Variants in FAM227B observed in about 807,000 individuals in gnomAD.
FAM227B encodes family with sequence similarity 227 member B, also known as protein FAM227B.
Under a neutral mutation model 73.8 loss-of-function variants are expected in FAM227B, and 88 were observed. The ratio of observed to expected loss-of-function variants is 1.19; its 90% CI spans 1.00 to 1.42. The LOEUF (loss-of-function observed/expected upper bound fraction) is 1.42, where lower values mean the gene tolerates loss of function less well. FAM227B is among the 40% of genes most tolerant of loss of function. The probability of loss-of-function intolerance (pLI) is 0.00; values close to 1 mark genes in which losing one functional copy is unlikely to be tolerated. For synonymous variants in FAM227B, 210 were observed against 190.5 expected, an observed-to-expected ratio of 1.10 and a Z score of -0.84; for missense variants, 632 against 590.9, an observed-to-expected ratio of 1.07 and a Z score of -0.72.
intron 11 of FAM227B, chr15:49,424,483 G>T (rs747759102): frequency 1.2e-6 from 2 of 1,613,458 alleles, no homozygotes; most frequent in Middle Eastern, 1.6e-4. Context: ...TGGAAGGAGG[G>T]GATATAAGAG....
At chr15:49,558,120 CCTAA>C in intron 9 of FAM227B, among the ~76,000 whole-genome samples, 1 of 151,724 alleles carries the variant, frequency 6.6e-6, no homozygotes, top group East Asian at 1.9e-4. Context: ...GCTCCTAATG[CCTAA>C]TGCCCCAACT....
intron 12 of FAM227B, among the ~76,000 whole-genome samples, chr15:49,368,547 A>G (rs915129914): frequency 6.6e-6 from 1 of 152,214 alleles, no homozygotes; most frequent in African/African-American, 2.4e-5. Context: ...ATTCTTTGCT[A>G]GTAAAAAGTT....
intron 13 of FAM227B, among the ~76,000 whole-genome samples, chr15:49,352,411 A>T (rs1334759514): frequency 1.3e-5 from 2 of 152,158 alleles, no homozygotes; most frequent in Non-Finnish European, 2.9e-5. Flanking sequence ...TGAAAAATAT[A>T]ATCTGCCATA....
chr15:49,328,082 G>A lies in FAM227B; in HGVS notation c.*486C>T. On this transcript the variant is annotated 3_prime_UTR_variant, in exon 16 of 16. Coordinates refer to ENST00000299338, the MANE Select transcript of FAM227B (RefSeq NM_152647.3). ...CAAAGCTTATTACCAGAGGAGTGAT[G>A]GAAGCTTAGCACCGGAGAAGCAAAG... 6.2e-7 allele frequency: 1 copy of A among 1,614,020 alleles called. No individual in the cohort carries two copies. Among genetic ancestry groups the A allele is most frequent in the South Asian group, 1.1e-5 (1 of 91,072 alleles).
At chr15:49,517,405 T>G (rs1201171666) in intron 10 of FAM227B, among the ~76,000 whole-genome samples, 1 of 152,102 alleles carries the variant, frequency 6.6e-6, no homozygotes, top group Non-Finnish European at 1.5e-5. Flanking sequence ...AACAAAGAAA[T>G]AAAAATATGT....
At chr15:49,577,208 A>G in intron 6 of FAM227B, 1 of 284,278 alleles carries the variant, frequency 3.5e-6, no homozygotes. Flanking sequence ...GAGGCAGGAG[A>G]ATCACTTGAA....
At chr15:49,365,320 C>G in intron 13 of FAM227B, 1 of 1,567,918 alleles carries the variant, frequency 6.4e-7, no homozygotes, top group Non-Finnish European at 8.8e-7. Flanking sequence ...TCATCAGCAC[C>G]AGAACAACAA....
chr15:49,338,254 G>T (rs2040104354), intron 13 of FAM227B, among the ~76,000 whole-genome samples: 2 of 152,104 alleles, frequency 1.3e-5, no homozygotes, highest in African/African-American at 4.8e-5. Context: ...GTATGTTTTT[G>T]CAGTGCCTGG....
At chr15:49,520,949 C>T (rs1464521700) in intron 10 of FAM227B, among the ~76,000 whole-genome samples, 1 of 152,118 alleles carries the variant, frequency 6.6e-6, no homozygotes, top group Non-Finnish European at 1.5e-5. Flanking sequence ...TCCCCTCACC[C>T]CAAGACAGAC....
chr15:49,582,990 A>T (rs2075908858), intron 5 of FAM227B, among the ~76,000 whole-genome samples: 1 of 152,166 alleles, frequency 6.6e-6, no homozygotes, highest in African/African-American at 2.4e-5. Context: ...GTTAAGAGGG[A>T]AATTTATAGC....
At chr15:49,450,229 T>C (rs762864356) in intron 11 of FAM227B, among the ~76,000 whole-genome samples, 54 of 152,230 alleles carry the variant, frequency 3.5e-4, no homozygotes, top group Non-Finnish European at 6.2e-4. Flanking sequence ...AGAATAACAA[T>C]TGAACAACTG....
Position 49,576,789 on chromosome 15 carries a change from C to T in FAM227B, c.498G>A (p.Leu166=), listed in dbSNP as rs780108314. 1.2e-6 allele frequency: 2 copies of T among 1,612,738 alleles called. No individual in the cohort carries two copies. The highest frequency in any genetic ancestry group is 2.2e-5 in the South Asian group (2 of 90,936). The change falls in exon 7 of 16, where the codon TTG becomes TTA. Residue 166 remains leucine, a synonymous_variant. Coordinates refer to ENST00000299338, the MANE Select transcript of FAM227B (RefSeq NM_152647.3). ...ANELTQLPRH[L]DAEQIYLFIL... ...TAAAAAGATAAATTTGTTCAGCATC[C>T]AAATGTCTGGGTAGCTGAGTAAGTT...
At chr15:49,397,591 C>T (rs2047780183) in intron 11 of FAM227B, among the ~76,000 whole-genome samples, 1 of 152,072 alleles carries the variant, frequency 6.6e-6, no homozygotes, top group South Asian at 2.1e-4. Context: ...TTAAGGGCAG[C>T]TAGAGAGAAA....
intron 8 of FAM227B, among the ~76,000 whole-genome samples, chr15:49,572,618 A>T (rs1006895097): frequency 1.3e-5 from 2 of 152,112 alleles, no homozygotes; most frequent in African/African-American, 4.8e-5. Context: ...TTTTCATACC[A>T]AACAACCCAC....
chr15:49,390,977 G>A (rs867044090), intron 11 of FAM227B, among the ~76,000 whole-genome samples: 1 of 151,908 alleles, frequency 6.6e-6, no homozygotes, highest in Non-Finnish European at 1.5e-5. Context: ...TGAAGATTCA[G>A]GACTAGTTCT....
chr15:49,446,205 TTTAAG>T (rs1194855898), intron 11 of FAM227B, among the ~76,000 whole-genome samples: 1 of 151,602 alleles, frequency 6.6e-6, no homozygotes. Context: ...CTTTTTTCTT[TTTAAG>T]TTAAGAGCCA....
Position 49,600,763 on chromosome 15 carries a change from C to T in FAM227B, c.105+10452G>A, listed in dbSNP as rs111638670. Among the ~76,000 whole-genome samples, 1,055 of 152,030 alleles carry T rather than the reference C, an allele frequency of 6.9e-3. 21 individuals are homozygous for T. Among genetic ancestry groups the T allele is most frequent in the African/African-American group, 0.024 (1,008 of 41,482 alleles). On this transcript the variant is annotated intron_variant, in intron 3 of 15. Transcript: ENST00000299338. ...CATGGAATAATTTACTACTGCCAGGCCGGGCGTGGTGGCTCACACTTATAA... is the reference window on the plus strand; with the variant it reads ...CATGGAATAATTTACTACTGCCAGGTCGGGCGTGGTGGCTCACACTTATAA...
intron 11 of FAM227B, among the ~76,000 whole-genome samples, chr15:49,388,692 A>G (rs537615168): frequency 6.6e-6 from 1 of 152,190 alleles, no homozygotes; most frequent in Admixed American, 6.6e-5. Flanking sequence ...GACAGAGTAA[A>G]CAGAAAACCC....
intron 13 of FAM227B, among the ~76,000 whole-genome samples, chr15:49,363,640 G>T (rs555049204): frequency 7.8e-4 from 119 of 152,200 alleles, no homozygotes; most frequent in African/African-American, 2.6e-3. Context: ...GATTGCTCTG[G>T]CCAGGACTTC....
Sources: allele counts gnomAD v4.1 joint callset (sites outside exome capture counted in the v4.1 genomes callset), GRCh38; gene constraint gnomAD v4.1.1; transcripts MANE v1.5; gene names NCBI Gene and HGNC (gene_info 2026-07-23, HGNC 2026-07-21).